The following MAST4 variants were observed in gnomAD, a reference collection of about 807,000 sequenced individuals.
The protein encoded by MAST4 is microtubule associated serine/threonine kinase family member 4, also known as microtubule-associated serine/threonine-protein kinase 4.
A neutral mutation model predicts 162.7 loss-of-function variants in MAST4; 89 were observed. That is an observed-to-expected ratio of 0.55 (90% CI 0.46 to 0.65). MAST4 has a LOEUF of 0.65. MAST4 is among the 30% of genes least tolerant of loss of function. MAST4 has a pLI of 0.00. For synonymous variants in MAST4, 1,479 were observed against 1,361.1 expected, an observed-to-expected ratio of 1.09 and a Z score of -1.91; for missense variants, 3,153 against 3,374.0, an observed-to-expected ratio of 0.93 and a Z score of 1.62.
intron 1 of MAST4, among the ~76,000 whole-genome samples, chr5:66,633,508 A>G (rs2149424467): frequency 6.6e-6 from 1 of 152,274 alleles, no homozygotes; most frequent in African/African-American, 2.4e-5. Flanking sequence ...AATTAAAAAT[A>G]TTTTATCACC....
At chr5:66,706,406 C>T (rs1332890251) in intron 1 of MAST4, among the ~76,000 whole-genome samples, 1 of 151,998 alleles carries the variant, frequency 6.6e-6, no homozygotes, top group Non-Finnish European at 1.5e-5. Flanking sequence ...GGGAGGACAA[C>T]TTAAAATTTA....
intron 4 of MAST4, among the ~76,000 whole-genome samples, chr5:67,017,702 C>A (rs1753477738): frequency 6.7e-6 from 1 of 149,850 alleles, no homozygotes; most frequent in Non-Finnish European, 1.5e-5. Flanking sequence ...CTCCCAGGTT[C>A]AAGTGATTCG....
chr5:66,837,894 ATTTTTT>A (rs754095073), intron 3 of MAST4, among the ~76,000 whole-genome samples: 1,706 of 53,258 alleles, frequency 0.032, 27 homozygotes, highest in Non-Finnish European at 0.039. Flanking sequence ...ATATATATAT[ATTTTTT>A]TTTTTTTTTT....
chr5:66,998,477 A>G (rs1406193527), intron 4 of MAST4, among the ~76,000 whole-genome samples: 2 of 152,242 alleles, frequency 1.3e-5, no homozygotes, highest in Admixed American at 1.3e-4. Context: ...CCTAATAGGT[A>G]CAGCTTATAT....
intron 4 of MAST4, among the ~76,000 whole-genome samples, chr5:66,915,159 A>G (rs1009182927): frequency 2.6e-5 from 4 of 151,454 alleles, no homozygotes; most frequent in Non-Finnish European, 4.4e-5. Flanking sequence ...CCAGCTATTC[A>G]GGAGGCTGAT....
rs1769259719 is a variant in MAST4, at chr5:67,133,602, G to C, written c.2182G>C (p.Glu728Gln). The C allele has an allele frequency of 6.2e-7, 1 of 1,613,366 alleles. No individual in the cohort carries two copies. The highest frequency in any genetic ancestry group is 1.1e-5 in the South Asian group (1 of 91,064). ...GLMSMTTNLYEGHIEKDAREF... is the reference protein window; with the variant it reads ...GLMSMTTNLYQGHIEKDAREF... ...AATGAGCATGACTACCAACCTTTACGAGGGTCATATTGAGAAGGATGCTAG... is the reference window on the plus strand; with the variant it reads ...AATGAGCATGACTACCAACCTTTACCAGGGTCATATTGAGAAGGATGCTAG... Residue 728 changes from glutamate to glutamine, a missense_variant, in exon 17 of 29, where the codon GAG becomes CAG. This residue lies in a region of MAST4 where 131 missense variants were observed against 253.8 expected (regional missense o/e 0.52). Coordinates refer to ENST00000403625, the MANE Select transcript of MAST4 (RefSeq NM_001164664.2).
intron 4 of MAST4, among the ~76,000 whole-genome samples, chr5:67,003,066 C>A (rs146652883): frequency 1.3e-5 from 2 of 150,698 alleles, no homozygotes; most frequent in African/African-American, 4.9e-5. Context: ...GAAACTGCTC[C>A]GGAGCACAGG....
chr5:67,007,363 G>A (rs1407325053), intron 4 of MAST4, among the ~76,000 whole-genome samples: 1 of 152,136 alleles, frequency 6.6e-6, no homozygotes, highest in Non-Finnish European at 1.5e-5. Context: ...CTCGATAAGG[G>A]TGTCCCCAGT....
intron 4 of MAST4, among the ~76,000 whole-genome samples, chr5:66,977,972 A>G (rs1748354260): frequency 6.6e-6 from 1 of 152,192 alleles, no homozygotes; most frequent in South Asian, 2.1e-4. Context: ...TTGAAGCTTC[A>G]AAGTAGATTT....
intron 1 of MAST4, among the ~76,000 whole-genome samples, chr5:66,718,682 C>T (rs1751009635): frequency 6.6e-6 from 1 of 152,104 alleles, no homozygotes; most frequent in South Asian, 2.1e-4. Flanking sequence ...GCCTCATCTC[C>T]CCAAGTTTGT....
At chr5:66,906,727 A>T (rs1477233921) in intron 4 of MAST4, among the ~76,000 whole-genome samples, 1 of 152,214 alleles carries the variant, frequency 6.6e-6, no homozygotes, top group Non-Finnish European at 1.5e-5. Context: ...GCAAGAAACA[A>T]GGCTAGCAGA....
At chr5:66,967,694 A>G (rs1002270270) in intron 4 of MAST4, among the ~76,000 whole-genome samples, 1 of 151,708 alleles carries the variant, frequency 6.6e-6, no homozygotes, top group Non-Finnish European at 1.5e-5. Flanking sequence ...TAAAAAAAAA[A>G]AAAAAAAGAA....
At chr5:67,099,746 G>A (rs1764823960) in intron 7 of MAST4, among the ~76,000 whole-genome samples, 1 of 151,454 alleles carries the variant, frequency 6.6e-6, no homozygotes, top group South Asian at 2.1e-4. Flanking sequence ...TGTTCCAAAT[G>A]TTGAATGACG....
chr5:66,761,944 G>C (rs923060785), intron 2 of MAST4, among the ~76,000 whole-genome samples: 3 of 152,066 alleles, frequency 2.0e-5, no homozygotes, highest in African/African-American at 7.2e-5. Flanking sequence ...TTTCACTTAG[G>C]AAATTTACTT....
At chr5:66,912,278 C>T (rs1763827222) in intron 4 of MAST4, among the ~76,000 whole-genome samples, 1 of 152,142 alleles carries the variant, frequency 6.6e-6, no homozygotes, top group Admixed American at 6.5e-5. Flanking sequence ...AGGCAATAAA[C>T]ATTCAAGTTT....
At chr5:66,841,521 A>G (rs1758422926) in intron 3 of MAST4, among the ~76,000 whole-genome samples, 1 of 152,148 alleles carries the variant, frequency 6.6e-6, no homozygotes, top group Admixed American at 6.6e-5. Flanking sequence ...GTGCCAGCAG[A>G]TTTGGTTTCT....
At position 67,066,758 on chromosome 5, in the gene MAST4, G is replaced by A. The variant is rs570789775; in HGVS notation, c.763+12266G>A. Among the ~76,000 whole-genome samples the A allele has an allele frequency of 2.1e-4, 32 of 152,126 alleles. 1 individual carries two copies. In the South Asian group the frequency reaches 6.4e-3, roughly 31 times the overall value. Reference sequence around the variant, plus strand: ...AAGAAAAATGTTCTTTCAAGTGTTGGCCTTTTATTGTCTTGTATTTGTGTT... The same window carrying A: ...AAGAAAAATGTTCTTTCAAGTGTTGACCTTTTATTGTCTTGTATTTGTGTT... On this transcript the variant is annotated intron_variant, in intron 5 of 28. Transcript: ENST00000403625.
At chr5:66,606,077 G>A (rs527601909) in intron 1 of MAST4, among the ~76,000 whole-genome samples, 13 of 151,682 alleles carry the variant, frequency 8.6e-5, no homozygotes, top group African/African-American at 2.7e-4. Flanking sequence ...TGTGTATCAG[G>A]TTACCTGTCA....
chr5:66,947,773 T>C (rs2150121561), intron 4 of MAST4, among the ~76,000 whole-genome samples: 1 of 152,262 alleles, frequency 6.6e-6, no homozygotes, highest in South Asian at 2.1e-4. Flanking sequence ...GTAAGTTGAT[T>C]TTTTATTTAG....
Sources: allele counts gnomAD v4.1 joint callset (sites outside exome capture counted in the v4.1 genomes callset), GRCh38; gene constraint gnomAD v4.1.1; regional missense constraint gnomAD v4.1.1; transcripts MANE v1.5; gene names NCBI Gene and HGNC (gene_info 2026-07-23, HGNC 2026-07-21).